The following IQCM variants were observed in gnomAD, a reference collection of about 807,000 sequenced individuals.
The protein encoded by IQCM is IQ motif containing M.
A neutral mutation model predicts 57.6 loss-of-function variants in IQCM; 45 were observed. The observed-to-expected ratio is 0.78, with a 90% CI of 0.62 to 1.00. IQCM has a LOEUF of 1.00. Ranked by LOEUF, IQCM falls within the 50% of genes least tolerant of loss-of-function variation. IQCM has a pLI of 0.00. For missense variants in IQCM, 468 were observed against 511.6 expected, an observed-to-expected ratio of 0.91 and a Z score of 0.82; for synonymous variants, 148 against 158.9, an observed-to-expected ratio of 0.93 and a Z score of 0.51.
intron 12 of IQCM, among the ~76,000 whole-genome samples, chr4:149,508,062 C>T (rs1054214551): frequency 6.6e-6 from 1 of 151,814 alleles, no homozygotes; most frequent in Non-Finnish European, 1.5e-5. Flanking sequence ...ACCTACGAGT[C>T]CACAGAAATG....
chr4:149,768,979 G>T (rs1002092551), intron 2 of IQCM, among the ~76,000 whole-genome samples: 1 of 151,984 alleles, frequency 6.6e-6, no homozygotes, highest in Non-Finnish European at 1.5e-5. Flanking sequence ...TTTAGATCAA[G>T]TACTTTAGAA....
intron 12 of IQCM, among the ~76,000 whole-genome samples, chr4:149,446,801 G>A (rs575413103): frequency 2.0e-5 from 3 of 151,608 alleles, no homozygotes; most frequent in African/African-American, 7.2e-5. Context: ...CTTAAGGATA[G>A]TCAGAATCAA....
At chr4:149,649,907 A>G (rs553364819) in intron 7 of IQCM, among the ~76,000 whole-genome samples, 3 of 152,326 alleles carry the variant, frequency 2.0e-5, no homozygotes, top group Admixed American at 2.0e-4. Flanking sequence ...CCACGTCTCA[A>G]TGGTTTGATA....
intron 8 of IQCM, among the ~76,000 whole-genome samples, chr4:149,591,785 T>C (rs746058034): frequency 6.6e-5 from 10 of 152,172 alleles, no homozygotes; most frequent in African/African-American, 1.7e-4. Context: ...CATGAACTCA[T>C]CCTTTTTTAT....
In IQCM at chr4:149,507,632, G is replaced by A. The variant is rs192156917; in HGVS notation, c.1228+40823C>T. Reference sequence around the variant, plus strand: ...ATTTCTAAGCAGCAAACATTCAAGAGGTGACTTGGGTACTGTTAAAGATAT... The same window carrying A: ...ATTTCTAAGCAGCAAACATTCAAGAAGTGACTTGGGTACTGTTAAAGATAT... On this transcript the variant is annotated intron_variant, in intron 12 of 13. Transcript: ENST00000636793. Among the ~76,000 whole-genome samples the A allele has an allele frequency of 1.3e-3, 205 of 152,240 alleles. 2 individuals carry two copies. Among genetic ancestry groups the A allele is most frequent in the African/African-American group, 4.8e-3 (200 of 41,550 alleles).
intron 7 of IQCM, among the ~76,000 whole-genome samples, chr4:149,635,403 C>T (rs1453033611): frequency 1.3e-5 from 2 of 152,148 alleles, no homozygotes; most frequent in Non-Finnish European, 2.9e-5. Context: ...CTTTGTTCTC[C>T]AGTATCTCTC....
At chr4:149,457,041 A>C (rs2149704180) in intron 12 of IQCM, among the ~76,000 whole-genome samples, 1 of 152,232 alleles carries the variant, frequency 6.6e-6, no homozygotes, top group South Asian at 2.1e-4. Flanking sequence ...AATGTTCCAC[A>C]ACTCTAAATG....
At chr4:149,473,803 T>C (rs1012533374) in intron 12 of IQCM, among the ~76,000 whole-genome samples, 1 of 152,066 alleles carries the variant, frequency 6.6e-6, no homozygotes, top group South Asian at 2.1e-4. Flanking sequence ...CCATAAAAAA[T>C]GATGAGTTCA....
intron 2 of IQCM, among the ~76,000 whole-genome samples, chr4:149,814,835 A>G (rs1580366004): frequency 6.6e-6 from 1 of 151,968 alleles, no homozygotes; most frequent in Admixed American, 6.6e-5. Context: ...TGGAGTATGA[A>G]TCATATACAG....
At chr4:149,460,910 T>G (rs1007492256) in intron 12 of IQCM, among the ~76,000 whole-genome samples, 2 of 152,154 alleles carry the variant, frequency 1.3e-5, no homozygotes, top group Non-Finnish European at 2.9e-5. Flanking sequence ...TGTTACACAC[T>G]AAAATTTTTC....
At chr4:149,511,362 T>C (rs571120563) in intron 12 of IQCM, among the ~76,000 whole-genome samples, 18 of 147,560 alleles carry the variant, frequency 1.2e-4, no homozygotes, top group East Asian at 4.0e-4. Context: ...CTACTAACAA[T>C]ACAAAAAAAA....
chr4:149,763,433 A>C (rs746557300), intron 2 of IQCM, among the ~76,000 whole-genome samples: 2 of 152,050 alleles, frequency 1.3e-5, no homozygotes, highest in Non-Finnish European at 2.9e-5. Flanking sequence ...TCTAGAGGAG[A>C]AAAAGAGGCT....
At chr4:149,765,054 A>G (rs1769907865) in intron 2 of IQCM, among the ~76,000 whole-genome samples, 1 of 152,154 alleles carries the variant, frequency 6.6e-6, no homozygotes, top group Non-Finnish European at 1.5e-5. Flanking sequence ...TGTTTCTTCC[A>G]TCAAACCAGT....
chr4:149,355,461 T>A (rs1456519919), intron 13 of IQCM, among the ~76,000 whole-genome samples: 1 of 148,966 alleles, frequency 6.7e-6, no homozygotes. Flanking sequence ...TTCTCATTGT[T>A]CAATTCCCAC....
rs1365558828 is a variant in IQCM, at chr4:149,656,712, G to A, written c.565+25406C>T. ...TCTGATACTGAGCAATCCGTGGTGG[G>A]GCAGGCAGGTGGGAAGCCTGGAGAG... On this transcript the variant is annotated intron_variant, in intron 7 of 13. Transcript: ENST00000636793. 3.3e-5 allele frequency among the ~76,000 whole-genome samples: 5 copies of A among 152,258 alleles called. No individual in the cohort carries two copies. The East Asian group carries it at 9.7e-4, about 29-fold the overall frequency.
intron 12 of IQCM, among the ~76,000 whole-genome samples, chr4:149,457,279 A>G (rs1287206302): frequency 6.6e-6 from 1 of 152,116 alleles, no homozygotes; most frequent in Non-Finnish European, 1.5e-5. Context: ...GTCCACAAAC[A>G]GATGTACACA....
chr4:149,589,559 C>T (rs1356496678), intron 8 of IQCM, among the ~76,000 whole-genome samples: 1 of 151,960 alleles, frequency 6.6e-6, no homozygotes, highest in Non-Finnish European at 1.5e-5. Context: ...AAGCTTCATT[C>T]TGACTTATGC....
chr4:149,656,013 A>G (rs962892266), intron 7 of IQCM, among the ~76,000 whole-genome samples: 2 of 152,164 alleles, frequency 1.3e-5, no homozygotes, highest in African/African-American at 4.8e-5. Flanking sequence ...TGGAACATAC[A>G]AAGGCATGGA....
intron 5 of IQCM, among the ~76,000 whole-genome samples, chr4:149,697,812 A>T (rs1016816137): frequency 6.6e-6 from 1 of 152,104 alleles, no homozygotes; most frequent in Non-Finnish European, 1.5e-5. Flanking sequence ...CAACTATATC[A>T]TCAATGTCAA....
Sources: gnomAD v4.1 joint callset for allele counts (sites outside exome capture counted in the v4.1 genomes callset) on GRCh38, gnomAD v4.1.1 for gene constraint, MANE v1.5 for transcripts, NCBI Gene and HGNC (gene_info 2026-07-23, HGNC 2026-07-21) for gene names.